The following NXPH2 variants were observed in gnomAD, a reference collection of about 807,000 sequenced individuals.
The protein encoded by NXPH2 is neurexophilin-2.
A neutral mutation model predicts 19.8 loss-of-function variants in NXPH2; 5 were observed. That is an observed-to-expected ratio of 0.25 (90% CI 0.13 to 0.53). The LOEUF is 0.53. Among genes scored for constraint, NXPH2 ranks in the 20% least tolerant of loss-of-function variants. The pLI is 0.96. For missense variants in NXPH2, 289 were observed against 322.8 expected, an observed-to-expected ratio of 0.90 and a Z score of 0.80; for synonymous variants, 154 against 127.4, an observed-to-expected ratio of 1.21 and a Z score of -1.41.
At chr2:138,672,721 G>A (rs996366700) in intron 1 of NXPH2, among the ~76,000 whole-genome samples, 1 of 152,204 alleles carries the variant, frequency 6.6e-6, no homozygotes, top group Non-Finnish European at 1.5e-5. Context: ...TGAAATGGAT[G>A]AGGAAAGAAG....
intron 1 of NXPH2, among the ~76,000 whole-genome samples, chr2:138,737,430 G>C (rs1219731593): frequency 1.3e-5 from 2 of 152,174 alleles, no homozygotes; most frequent in African/African-American, 2.4e-5. Flanking sequence ...CATGAGAACA[G>C]TATGAAAGAA....
At chr2:138,749,102 T>A (rs1164623023) in intron 1 of NXPH2, among the ~76,000 whole-genome samples, 1 of 152,054 alleles carries the variant, frequency 6.6e-6, no homozygotes, top group African/African-American at 2.4e-5. Flanking sequence ...TGGTGGGAGG[T>A]GACTAGATCA....
intron 1 of NXPH2, among the ~76,000 whole-genome samples, chr2:138,707,079 G>A (rs67622772): frequency 1.1e-5 from 1 of 93,932 alleles, no homozygotes; most frequent in African/African-American, 5.0e-5. Context: ...ATGACTTTAA[G>A]TACTTGCCCC....
At position 138,671,071 on chromosome 2, in the gene NXPH2, T is replaced by G; in HGVS notation, c.646A>C (p.Thr216Pro). 1.2e-6 allele frequency: 2 copies of G among 1,613,882 alleles called. No individual in the cohort carries two copies. Among genetic ancestry groups the G allele is most frequent in the Non-Finnish European group, 1.7e-6 (2 of 1,179,854 alleles). ...DPSKICYQEQ[T>P]QSHVSWLCSK... is the part of the protein sequence containing the mutation. ...CACAACCAAGACACATGGCTCTGAG[T>G]CTGCTCCTGGTAGCAGATCTTGGAT... Residue 216 changes from threonine to proline, a missense_variant, in exon 2 of 2, where the codon ACT becomes CCT. Transcript: ENST00000272641.
chr2:138,755,830 T>C (rs547754821), intron 1 of NXPH2, among the ~76,000 whole-genome samples: 1 of 151,332 alleles, frequency 6.6e-6, no homozygotes, highest in Admixed American at 6.6e-5. Flanking sequence ...TTTATTTAGA[T>C]TTTTTTTTGT....
At chr2:138,692,284 G>A (rs111647189) in intron 1 of NXPH2, among the ~76,000 whole-genome samples, 117 of 152,262 alleles carry the variant, frequency 7.7e-4, no homozygotes, top group African/African-American at 2.7e-3. Flanking sequence ...CATTGTCACT[G>A]CTGGTATGAA....
chr2:138,777,391 T>C lies in NXPH2; in HGVS notation c.51+2800A>G, dbSNP rs552584416. ...TCTTGCAAATAGTAATCCCATTAATTAGCTATAGCAACCTGTCTGTTAAAA... is the reference window on the plus strand; with the variant it reads ...TCTTGCAAATAGTAATCCCATTAATCAGCTATAGCAACCTGTCTGTTAAAA... On this transcript the variant is annotated intron_variant, in intron 1 of 1. Coordinates refer to ENST00000272641, the MANE Select transcript of NXPH2 (RefSeq NM_007226.3). 1.3e-5 allele frequency among the ~76,000 whole-genome samples: 2 copies of C among 152,258 alleles called. 1 individual carries two copies. Among genetic ancestry groups the C allele is most frequent in the South Asian group, 4.1e-4 (2 of 4,820 alleles).
chr2:138,727,621 C>T (rs1262705270), intron 1 of NXPH2, among the ~76,000 whole-genome samples: 1 of 135,016 alleles, frequency 7.4e-6, no homozygotes. Flanking sequence ...TTTATAAATT[C>T]TTTGTATATT....
At chr2:138,725,819 G>A (rs1050847362) in intron 1 of NXPH2, among the ~76,000 whole-genome samples, 5 of 152,126 alleles carry the variant, frequency 3.3e-5, no homozygotes, top group African/African-American at 1.2e-4. Context: ...TCCATTTACT[G>A]TATGTAAAGA....
At chr2:138,725,799 GCA>G (rs1681347019) in intron 1 of NXPH2, among the ~76,000 whole-genome samples, 1 of 152,030 alleles carries the variant, frequency 6.6e-6, no homozygotes, top group East Asian at 1.9e-4. Context: ...ATTTTCCCCT[GCA>G]TAAAAAATCC....
intron 1 of NXPH2, among the ~76,000 whole-genome samples, chr2:138,688,817 G>C (rs753842591): frequency 3.7e-4 from 56 of 152,130 alleles, no homozygotes; most frequent in African/African-American, 1.3e-3. Flanking sequence ...GATAGACTTG[G>C]TCACCACCGC....
At chr2:138,716,440 G>A (rs1486130468) in intron 1 of NXPH2, among the ~76,000 whole-genome samples, 1 of 152,156 alleles carries the variant, frequency 6.6e-6, no homozygotes, top group East Asian at 1.9e-4. Context: ...CATCTGCAAA[G>A]CAGGAAGAAT....
intron 1 of NXPH2, among the ~76,000 whole-genome samples, chr2:138,736,524 C>T (rs1262139658): frequency 6.6e-6 from 1 of 152,162 alleles, no homozygotes. Flanking sequence ...GTCTCCTGGT[C>T]CAGCCCATGA....
chr2:138,767,809 TC>T (rs1682115074), intron 1 of NXPH2, among the ~76,000 whole-genome samples: 1 of 152,156 alleles, frequency 6.6e-6, no homozygotes, highest in Non-Finnish European at 1.5e-5. Context: ...ACCATGTCCT[TC>T]CTCTCATTGC....
intron 1 of NXPH2, among the ~76,000 whole-genome samples, chr2:138,691,025 G>A (rs144611850): frequency 5.1e-4 from 78 of 152,282 alleles, no homozygotes; most frequent in African/African-American, 1.8e-3. Flanking sequence ...GAGTGTTGTG[G>A]GCAGAGAGGC....
rs1322490192 is a variant in NXPH2 at position 138,780,182 on chromosome 2, G to C, written c.51+9C>G. On this transcript the variant is annotated intron_variant, in intron 1 of 1. Transcript: ENST00000272641. Reference sequence around the variant, plus strand: ...GGCGTGTGGGACGGCGCGCGGGCCGGGCACTCACCAGCTGCAGCAAGCCAG... The same window carrying C: ...GGCGTGTGGGACGGCGCGCGGGCCGCGCACTCACCAGCTGCAGCAAGCCAG... 4.7e-6 allele frequency: 7 copies of C among 1,490,562 alleles called. No homozygotes were observed. Among genetic ancestry groups the C allele is most frequent in the Non-Finnish European group, 6.2e-6 (7 of 1,128,494 alleles). 92.3% of individuals were successfully genotyped at this position (1,490,562 alleles called of 1,614,324 possible).
intron 1 of NXPH2, among the ~76,000 whole-genome samples, chr2:138,694,194 G>T (rs900173865): frequency 6.6e-6 from 1 of 152,110 alleles, no homozygotes; most frequent in Non-Finnish European, 1.5e-5. Context: ...TGCTTCCTCA[G>T]TGGAGCACTA....
At chr2:138,736,433 G>A (rs944506746) in intron 1 of NXPH2, among the ~76,000 whole-genome samples, 5 of 152,186 alleles carry the variant, frequency 3.3e-5, no homozygotes, top group East Asian at 1.9e-4. Flanking sequence ...CATGGTCCAC[G>A]CTCTACATTT....
chr2:138,779,365 A>C (rs1183182289), intron 1 of NXPH2, among the ~76,000 whole-genome samples: 2 of 152,214 alleles, frequency 1.3e-5, no homozygotes, highest in Non-Finnish European at 2.9e-5. Context: ...ATAATTAGCC[A>C]TGCATATAGA....
Sources: gnomAD v4.1 joint callset for allele counts (sites outside exome capture counted in the v4.1 genomes callset) on GRCh38, gnomAD v4.1.1 for gene constraint, MANE v1.5 for transcripts, NCBI Gene and HGNC (gene_info 2026-07-23, HGNC 2026-07-21) for gene names.